The following PI4KA variants were observed in gnomAD, a reference collection of about 807,000 sequenced individuals.
The protein encoded by PI4KA is phosphatidylinositol 4-kinase alpha.
In PI4KA, 122 loss-of-function variants were observed where a neutral mutation model predicts 271.4. The observed-to-expected ratio is 0.45, with a 90% CI of 0.39 to 0.52. PI4KA has a LOEUF of 0.52. Ranked by LOEUF, PI4KA falls within the 20% of genes least tolerant of loss-of-function variation. The probability of loss-of-function intolerance (pLI) is 0.00; values close to 1 mark genes in which losing one functional copy is unlikely to be tolerated. For missense variants in PI4KA, 1,969 were observed against 2,769.1 expected, an observed-to-expected ratio of 0.71 and a Z score of 6.48; for synonymous variants, 1,041 against 1,078.8, an observed-to-expected ratio of 0.96 and a Z score of 0.69.
chr22:20,716,143 C>T (rs539111270), intron 45 of PI4KA, among the ~76,000 whole-genome samples: 18 of 152,306 alleles, frequency 1.2e-4, no homozygotes, highest in African/African-American at 2.4e-4. Flanking sequence ...CTCTGCCTCC[C>T]GGGTTCACGC....
intron 13 of PI4KA, among the ~76,000 whole-genome samples, chr22:20,802,640 A>T (rs765541759): frequency 1.3e-5 from 2 of 152,200 alleles, no homozygotes; most frequent in Non-Finnish European, 2.9e-5. Context: ...GGCTCAAGCC[A>T]TCCTACAACT....
At chr22:20,753,671 G>A (rs1415779450) in intron 23 of PI4KA, among the ~76,000 whole-genome samples, 1 of 152,064 alleles carries the variant, frequency 6.6e-6, no homozygotes, top group Non-Finnish European at 1.5e-5. Flanking sequence ...CCATAGAGTG[G>A]ATGTGCCCTT....
At position 20,732,998 on chromosome 22, in the gene PI4KA, G is replaced by A. The variant is rs1414905346; in HGVS notation, c.4261C>T (p.Leu1421=). 27 of 1,610,642 alleles carry A rather than the reference G, an allele frequency of 1.7e-5. No homozygotes were observed. The highest frequency in any genetic ancestry group is 2.1e-5 in the Non-Finnish European group (25 of 1,178,674). Residue 1421 remains leucine (L), a synonymous_variant, in exon 36 of 55, where the codon CTG becomes TTG. Coordinates refer to ENST00000255882, the MANE Select transcript of PI4KA (RefSeq NM_058004.4). ...WTAMFSDKKY[L]TASQLVPPDN... is the part of the protein sequence containing the mutation. ...GGGGGAACAAGCTGGCTGGCGGTCA[G>A]GTACTTCTTATCTGAGAACATGGCG... is the stretch of plus-strand genomic sequence containing the variant.
chr22:20,756,160 T>A (rs1393874205), intron 23 of PI4KA, among the ~76,000 whole-genome samples: 1 of 151,716 alleles, frequency 6.6e-6, no homozygotes, highest in African/African-American at 2.4e-5. Flanking sequence ...AGAGGCTGGG[T>A]TGGGTGGGTG....
At position 20,708,018 on chromosome 22, in the gene PI4KA, T is replaced by G. The variant is rs747569919; in HGVS notation, c.*29A>C. ...ATTGTGGGACAGCTTTGAGGGCACA[T>G]GGGGCAGAGGCCCTCGAAGGTCCCC... On this transcript the variant is annotated 3_prime_UTR_variant, in exon 55 of 55. Coordinates refer to ENST00000255882, the MANE Select transcript of PI4KA (RefSeq NM_058004.4). 6 of 1,579,326 alleles carry G rather than the reference T, an allele frequency of 3.8e-6. No individual in the cohort carries two copies. The East Asian group carries it at 1.3e-4, about 35-fold the overall frequency.
rs148372640 is a variant in PI4KA at position 20,809,020 on chromosome 22, A to C, written c.1072-1562T>G. ...TGTGAGAGTCATGCCAATTCCCAGG[A>C]GGACACTGACAGGAAGAGCTGTGGT... On this transcript the variant is annotated intron_variant, in intron 9 of 54. Transcript: ENST00000255882. 2.4e-3 allele frequency among the ~76,000 whole-genome samples: 361 copies of C among 152,238 alleles called. 1 individual carries two copies. Among genetic ancestry groups the C allele is most frequent in the Middle Eastern group, 0.014 (4 of 294 alleles).
At chr22:20,787,136 C>T (rs1046733844) in intron 19 of PI4KA, 1 of 1,357,306 alleles carries the variant, frequency 7.4e-7, no homozygotes, top group South Asian at 1.2e-5. Flanking sequence ...ACAACGAGAA[C>T]AGAGATGTTC....
At chr22:20,720,025 CAAAAAAAAAAA>C (rs869149471) in intron 43 of PI4KA, among the ~76,000 whole-genome samples, 1 of 35,386 alleles carries the variant, frequency 2.8e-5, no homozygotes, top group Non-Finnish European at 5.8e-5. Context: ...GACTCTGTCT[CAAAAAAAAAAA>C]AAAAAAAAAA....
rs986625160 is a variant in PI4KA, at chr22:20,798,578, A to G, written c.2108+6T>C. On this transcript the variant is annotated splice_donor_region_variant and intron_variant, in intron 17 of 54. Transcript: ENST00000255882. Reference sequence around the variant, plus strand: ...TGATAAAAAAGTGACAATGAGGTCCAGTTACCTATAGCCGTGGTCCTTGTA... The same window carrying G: ...TGATAAAAAAGTGACAATGAGGTCCGGTTACCTATAGCCGTGGTCCTTGTA... The G allele has an allele frequency of 1.3e-6, 2 of 1,542,342 alleles. No individual in the cohort carries two copies. Among genetic ancestry groups the G allele is most frequent in the African/African-American group, 2.7e-5 (2 of 73,512 alleles).
chr22:20,850,441 T>C (rs564149959), intron 1 of PI4KA, among the ~76,000 whole-genome samples: 208 of 138,882 alleles, frequency 1.5e-3, no homozygotes, highest in African/African-American at 4.9e-3. Flanking sequence ...AATACTCATT[T>C]AAAAAAAAAT....
At chr22:20,842,484 G>T (rs1030958273) in intron 1 of PI4KA, among the ~76,000 whole-genome samples, 18 of 152,328 alleles carry the variant, frequency 1.2e-4, no homozygotes, top group African/African-American at 4.3e-4. Context: ...CTACTGGACT[G>T]CCTATCAAGA....
intron 23 of PI4KA, among the ~76,000 whole-genome samples, chr22:20,755,272 T>C (rs904992738): frequency 6.6e-6 from 1 of 152,226 alleles, no homozygotes; most frequent in African/African-American, 2.4e-5. Flanking sequence ...CTCTTTCAGG[T>C]TGGCTCCTGT....
intron 4 of PI4KA, among the ~76,000 whole-genome samples, chr22:20,820,999 T>A (rs1259692077): frequency 3.3e-5 from 5 of 152,244 alleles, no homozygotes; most frequent in Non-Finnish European, 7.3e-5. Flanking sequence ...TTTGTAATGC[T>A]AATTGCCAGC....
intron 1 of PI4KA, among the ~76,000 whole-genome samples, chr22:20,853,695 G>A (rs56060895): frequency 1.4e-3 from 219 of 152,258 alleles, no homozygotes; most frequent in African/African-American, 5.0e-3. Context: ...GCTCAGCCAT[G>A]GATCAGAACA....
intron 44 of PI4KA, among the ~76,000 whole-genome samples, chr22:20,718,148 G>A (rs557597489): frequency 4.3e-4 from 65 of 152,286 alleles, no homozygotes; most frequent in Middle Eastern, 3.4e-3. Flanking sequence ...CCCAGAAAAG[G>A]ACCTCAAAGT....
At chr22:20,776,909 T>C (rs140681376) in intron 19 of PI4KA, among the ~76,000 whole-genome samples, 35 of 152,286 alleles carry the variant, frequency 2.3e-4, no homozygotes, top group Non-Finnish European at 5.0e-4. Flanking sequence ...TGAGTTCAAA[T>C]ATTTGCTTAA....
intron 15 of PI4KA, 112 bp from the exon 16 acceptor site, chr22:20,799,388 G>A: frequency 9.7e-7 from 1 of 1,036,136 alleles, no homozygotes; most frequent in Non-Finnish European, 1.4e-6. Flanking sequence ...TCTTGATGCA[G>A]TGTTCATCTG....
chr22:20,853,494 C>G (rs1927235175), intron 1 of PI4KA, among the ~76,000 whole-genome samples: 1 of 152,182 alleles, frequency 6.6e-6, no homozygotes, highest in African/African-American at 2.4e-5. Flanking sequence ...ATATGGAGAT[C>G]CCAATGTTGA....
intron 23 of PI4KA, among the ~76,000 whole-genome samples, chr22:20,756,306 G>A (rs1931296057): frequency 6.6e-6 from 1 of 151,612 alleles, no homozygotes; most frequent in South Asian, 2.1e-4. Flanking sequence ...CCGACGGGTT[G>A]CATTCCCAGA....
Sources: allele counts gnomAD v4.1 joint callset (sites outside exome capture counted in the v4.1 genomes callset), GRCh38; gene constraint gnomAD v4.1.1; transcripts MANE v1.5; gene names NCBI Gene and HGNC (gene_info 2026-07-23, HGNC 2026-07-21).